Variants in CSMD1 observed in about 807,000 individuals in gnomAD.
CSMD1 encodes CUB and Sushi multiple domains 1, also known as CUB and sushi domain-containing protein 1.
A neutral mutation model predicts 417.5 loss-of-function variants in CSMD1; 213 were observed. The observed-to-expected ratio is 0.51, with a 90% CI of 0.46 to 0.57. The LOEUF is 0.57. Among genes scored for constraint, CSMD1 ranks in the 20% least tolerant of loss-of-function variants. CSMD1 has a pLI of 0.00. For synonymous variants in CSMD1, 2,862 were observed against 1,736.8 expected, an observed-to-expected ratio of 1.65 and a Z score of -16.11; for missense variants, 6,923 against 4,529.7, an observed-to-expected ratio of 1.53 and a Z score of -15.17.
chr8:4,217,250 T>C (rs913975872), intron 3 of CSMD1, among the ~76,000 whole-genome samples: 3 of 152,198 alleles, frequency 2.0e-5, no homozygotes, highest in Admixed American at 6.5e-5. Context: ...TATCTAGATA[T>C]GGGATTTAGA....
chr8:3,101,207 C>G (rs1815714050), intron 46 of CSMD1, among the ~76,000 whole-genome samples: 1 of 152,058 alleles, frequency 6.6e-6, no homozygotes, highest in African/African-American at 2.4e-5. Context: ...ACCTCTTCCC[C>G]CAAAACACCC....
At chr8:4,944,434 T>C (rs535344278) in intron 1 of CSMD1, among the ~76,000 whole-genome samples, 8 of 152,318 alleles carry the variant, frequency 5.3e-5, no homozygotes, top group African/African-American at 1.9e-4. Context: ...TTTTGAGATA[T>C]AATTTTCATT....
intron 3 of CSMD1, among the ~76,000 whole-genome samples, chr8:4,204,211 T>G (rs1015087065): frequency 1.3e-5 from 2 of 152,066 alleles, no homozygotes; most frequent in East Asian, 3.9e-4. Flanking sequence ...TTCAAAGTGG[T>G]TTTTCACACC....
At chr8:4,643,616 A>T (rs1803340377) in intron 1 of CSMD1, among the ~76,000 whole-genome samples, 1 of 152,228 alleles carries the variant, frequency 6.6e-6, no homozygotes, top group African/African-American at 2.4e-5. Context: ...CAGACTTCTA[A>T]GTGGCTCTGG....
intron 50 of CSMD1, among the ~76,000 whole-genome samples, chr8:3,031,865 CTT>C (rs67843753): frequency 0.21 from 29,138 of 141,334 alleles, 3,610 homozygotes; most frequent in Non-Finnish European, 0.28. Flanking sequence ...TCACATCTCT[CTT>C]TTTTTTTTTT....
At chr8:4,253,548 T>G (rs1227362694) in intron 3 of CSMD1, among the ~76,000 whole-genome samples, 1 of 152,204 alleles carries the variant, frequency 6.6e-6, no homozygotes, top group East Asian at 1.9e-4. Flanking sequence ...TGTTATTTAA[T>G]CTTGGAGAAC....
intron 1 of CSMD1, among the ~76,000 whole-genome samples, chr8:4,817,492 G>C (rs1376380585): frequency 6.6e-6 from 1 of 152,224 alleles, no homozygotes; most frequent in African/African-American, 2.4e-5. Context: ...CACGTCCAAT[G>C]ATCCAGTTCT....
intron 2 of CSMD1, among the ~76,000 whole-genome samples, chr8:4,569,770 G>T (rs906820711): frequency 6.6e-6 from 1 of 152,168 alleles, no homozygotes; most frequent in Admixed American, 6.5e-5. Flanking sequence ...TTCTATCCAT[G>T]AGCATGGAAT....
At chr8:4,041,933 G>A (rs991939884) in intron 3 of CSMD1, among the ~76,000 whole-genome samples, 1 of 152,040 alleles carries the variant, frequency 6.6e-6, no homozygotes, top group African/African-American at 2.4e-5. Flanking sequence ...AACATGTAGA[G>A]ATAGCAAGAT....
chr8:3,266,402 T>C (rs1193208708), intron 26 of CSMD1, among the ~76,000 whole-genome samples: 2 of 150,540 alleles, frequency 1.3e-5, no homozygotes, highest in Non-Finnish European at 3.0e-5. Flanking sequence ...GACTAGGAGA[T>C]TGAGACCAGC....
rs1017354060 is a variant in CSMD1 at position 4,235,447 on chromosome 8, A to G, written c.415+184506T>C. ...AAAGGCTATGTAGTATGCCATGTCC[A>G]CAAGTACCTGCTGAGTGTGATTTGG... On this transcript the variant is annotated intron_variant, in intron 3 of 69. Coordinates refer to ENST00000635120, the MANE Select transcript of CSMD1 (RefSeq NM_033225.6). Among the ~76,000 whole-genome samples the G allele has an allele frequency of 3.3e-5, 5 of 152,158 alleles. No individual in the cohort carries two copies. The East Asian group carries it at 7.7e-4, about 24-fold the overall frequency.
At chr8:3,796,559 A>G (rs1001728030) in intron 5 of CSMD1, among the ~76,000 whole-genome samples, 1 of 145,972 alleles carries the variant, frequency 6.9e-6, no homozygotes, top group Non-Finnish European at 1.5e-5. Context: ...TACATGATAG[A>G]TATATATCTA....
intron 5 of CSMD1, among the ~76,000 whole-genome samples, chr8:3,976,085 C>G (rs1813415089): frequency 6.6e-6 from 1 of 151,278 alleles, no homozygotes; most frequent in Non-Finnish European, 1.5e-5. Context: ...TTGGGGGGGT[C>G]ACGAACTTGT....
chr8:4,182,992 T>C (rs1798463245), intron 3 of CSMD1, among the ~76,000 whole-genome samples: 1 of 152,104 alleles, frequency 6.6e-6, no homozygotes, highest in Admixed American at 6.6e-5. Flanking sequence ...GATCAAAGTC[T>C]TTCAAGTAAA....
chr8:3,352,139 A>G (rs1808464558), intron 21 of CSMD1, among the ~76,000 whole-genome samples: 2 of 152,182 alleles, frequency 1.3e-5, no homozygotes. Flanking sequence ...CCAAAGGCCT[A>G]CTGAGAAACA....
At chr8:3,857,277 A>C (rs1391504758) in intron 5 of CSMD1, among the ~76,000 whole-genome samples, 1 of 152,160 alleles carries the variant, frequency 6.6e-6, no homozygotes, top group African/African-American at 2.4e-5. Context: ...GTAATCTTTA[A>C]ACTGGGCCTT....
In CSMD1 at chr8:4,641,713, T is replaced by C. The variant is rs141177821; in HGVS notation, c.86-4155A>G. The stretch of plus-strand genomic sequence containing the variant: ...GCATTACAGACCTCATGTATGGTGA[T>C]CGAGTCATAACATATATCACAATAA... On this transcript the variant is annotated intron_variant, in intron 1 of 69. Coordinates refer to ENST00000635120, the MANE Select transcript of CSMD1 (RefSeq NM_033225.6). 1.8e-3 allele frequency among the ~76,000 whole-genome samples: 276 copies of C among 152,314 alleles called. 3 individuals carry two copies. Among genetic ancestry groups the C allele is most frequent in the African/African-American group, 6.4e-3 (265 of 41,566 alleles).
chr8:3,187,978 G>A lies in CSMD1; in HGVS notation c.5524-13C>T, dbSNP rs746623806. On this transcript the variant is annotated splice_polypyrimidine_tract_variant and intron_variant, in intron 35 of 69. Transcript: ENST00000635120. ...TGATCACTTGGATCTACCAAACCAT[G>A]ACATTAAGTTAATATTTATTTTTGG... 1.1e-5 allele frequency: 17 copies of A among 1,606,234 alleles called. No homozygotes were observed. In the African/African-American group the frequency reaches 2.0e-4, roughly 19 times the overall value.
At chr8:3,071,163 C>A (rs571548675) in intron 49 of CSMD1, among the ~76,000 whole-genome samples, 1 of 152,320 alleles carries the variant, frequency 6.6e-6, no homozygotes, top group South Asian at 2.1e-4. Context: ...ATCCAAACAC[C>A]TCTTTCCAGG....
Sources: gnomAD v4.1 joint callset for allele counts (sites outside exome capture counted in the v4.1 genomes callset) on GRCh38, gnomAD v4.1.1 for gene constraint, MANE v1.5 for transcripts, NCBI Gene and HGNC (gene_info 2026-07-23, HGNC 2026-07-21) for gene names.